Variants in DNM3 observed in about 807,000 individuals in gnomAD.
DNM3 encodes dynamin 3.
Under a neutral mutation model 101.6 loss-of-function variants are expected in DNM3, and 47 were observed. That is an observed-to-expected ratio of 0.46 (90% CI 0.37 to 0.59). The LOEUF (loss-of-function observed/expected upper bound fraction) is 0.59. DNM3 is among the 20% of genes least tolerant of loss of function. DNM3 has a pLI of 0.00. For synonymous variants in DNM3, 385 were observed against 387.9 expected (o/e 0.99, Z 0.09); for missense variants, 849 against 1,085.7 (o/e 0.78, Z 3.06).
At chr1:171,960,163 C>T (rs913888254) in intron 2 of DNM3, among the ~76,000 whole-genome samples, 1 of 152,022 alleles carries the variant, frequency 6.6e-6, no homozygotes, top group Admixed American at 6.6e-5. Flanking sequence ...TGAGAGAACA[C>T]AATGTGATAA....
At position 172,130,945 on chromosome 1, in the gene DNM3, G is replaced by A. The variant is rs143831682; in HGVS notation, c.1546-230G>A. On this transcript the variant is annotated intron_variant, in intron 13 of 20. Transcript: ENST00000627582. ...TTTCAGTCACTCCACTTCAACCATC[G>A]ATGAGTCTGAGATTTTTATTCCATT... Among the ~76,000 whole-genome samples the A allele has an allele frequency of 1.8e-3, 272 of 152,202 alleles. 1 individual carries two copies. The highest frequency in any genetic ancestry group is 6.3e-3 in the African/African-American group (261 of 41,548).
chr1:172,053,324 C>T (rs1398260552), intron 10 of DNM3, among the ~76,000 whole-genome samples: 1 of 151,952 alleles, frequency 6.6e-6, no homozygotes, highest in Non-Finnish European at 1.5e-5. Flanking sequence ...ACCTGCCATC[C>T]CCTCTCATTT....
intron 14 of DNM3, among the ~76,000 whole-genome samples, chr1:172,158,695 C>A (rs938947029): frequency 1.3e-5 from 2 of 151,958 alleles, no homozygotes; most frequent in African/African-American, 2.4e-5. Flanking sequence ...CTAACTCTCT[C>A]TTGCTAAAAG....
intron 1 of DNM3, among the ~76,000 whole-genome samples, chr1:171,893,045 G>T (rs2037437995): frequency 6.6e-6 from 1 of 152,040 alleles, no homozygotes; most frequent in African/African-American, 2.4e-5. Flanking sequence ...GGTTATGTGT[G>T]GTTCCTTTTC....
chr1:172,289,710 A>G, intron 15 of DNM3: 2 of 984,512 alleles, frequency 2.0e-6, no homozygotes, highest in Non-Finnish European at 2.4e-6. Context: ...GTCTCTGAAT[A>G]GAGTTTTGGT....
chr1:172,231,588 G>A (rs1024262651), intron 14 of DNM3, among the ~76,000 whole-genome samples: 1 of 152,192 alleles, frequency 6.6e-6, no homozygotes, highest in Non-Finnish European at 1.5e-5. Flanking sequence ...AACAAAGCTG[G>A]ATGGAGAATG....
intron 1 of DNM3, among the ~76,000 whole-genome samples, chr1:171,867,282 G>A (rs2034848713): frequency 1.3e-5 from 2 of 152,224 alleles, no homozygotes; most frequent in Admixed American, 1.3e-4. Context: ...AATCCATTGT[G>A]AAAATGGCTA....
At position 172,194,275 on chromosome 1, in the gene DNM3, T is replaced by C. The variant is rs191526153; in HGVS notation, c.1660-59298T>C. On this transcript the variant is annotated intron_variant, in intron 14 of 20. Coordinates refer to ENST00000627582, the MANE Select transcript of DNM3 (RefSeq NM_015569.5). ...TTACATTTGCTGAGGAGTGCTTTAC[T>C]TCCAACTATGTGGTCAATTTTGGAA... Among the ~76,000 whole-genome samples the C allele has an allele frequency of 6.4e-3, 975 of 152,280 alleles. 11 individuals carry two copies. The highest frequency in any genetic ancestry group is 0.022 in the African/African-American group (922 of 41,532).
chr1:171,972,262 A>G (rs1158553962), intron 2 of DNM3, among the ~76,000 whole-genome samples: 2 of 152,238 alleles, frequency 1.3e-5, no homozygotes, highest in Non-Finnish European at 2.9e-5. Context: ...CGTGTTACTT[A>G]GCCTTCTGGG....
At chr1:172,192,527 TC>T (rs1369633106) in intron 14 of DNM3, among the ~76,000 whole-genome samples, 1 of 63,112 alleles carries the variant, frequency 1.6e-5, no homozygotes, top group African/African-American at 6.4e-5. Flanking sequence ...CCCTCCCCCC[TC>T]CCCCCACCCC....
chr1:172,035,348 C>A (rs778898158), intron 6 of DNM3, among the ~76,000 whole-genome samples: 1 of 152,044 alleles, frequency 6.6e-6, no homozygotes, highest in Non-Finnish European at 1.5e-5. Flanking sequence ...TGTTTGGAGA[C>A]AACATCTTAC....
intron 14 of DNM3, among the ~76,000 whole-genome samples, chr1:172,173,820 T>C (rs1216844803): frequency 1.3e-5 from 2 of 151,776 alleles, no homozygotes; most frequent in Admixed American, 1.3e-4. Flanking sequence ...TGGCCTATAA[T>C]TTTATATTTT....
intron 17 of DNM3, among the ~76,000 whole-genome samples, chr1:172,355,734 C>G (rs2067421294): frequency 6.6e-6 from 1 of 152,028 alleles, no homozygotes; most frequent in South Asian, 2.1e-4. Flanking sequence ...TAGAATGTAA[C>G]ACAGAAAGAT....
At chr1:172,006,530 T>C (rs2125690458) in intron 4 of DNM3, among the ~76,000 whole-genome samples, 1 of 152,220 alleles carries the variant, frequency 6.6e-6, no homozygotes, top group Admixed American at 6.6e-5. Flanking sequence ...TTCTTGTTAA[T>C]TCCATGTACA....
At chr1:171,939,288 G>A (rs1445631930) in intron 2 of DNM3, among the ~76,000 whole-genome samples, 1 of 151,926 alleles carries the variant, frequency 6.6e-6, no homozygotes, top group Non-Finnish European at 1.5e-5. Context: ...CTAAATCAAA[G>A]GTATTATATT....
chr1:172,036,208 A>T (rs2048949919), intron 6 of DNM3, among the ~76,000 whole-genome samples: 2 of 129,512 alleles, frequency 1.5e-5, no homozygotes, highest in Non-Finnish European at 3.1e-5. Flanking sequence ...TCCTGTGTCC[A>T]TGTGTTCTCA....
intron 4 of DNM3, among the ~76,000 whole-genome samples, chr1:172,012,479 T>C (rs2047194535): frequency 6.6e-6 from 1 of 152,032 alleles, no homozygotes; most frequent in South Asian, 2.1e-4. Context: ...TAGATTCAGG[T>C]AGACAAAGAG....
intron 14 of DNM3, among the ~76,000 whole-genome samples, chr1:172,166,093 A>G (rs1299964038): frequency 6.6e-6 from 1 of 152,024 alleles, no homozygotes. Flanking sequence ...ATTGCACCAT[A>G]TGGTTTGTGG....
At chr1:172,110,019 C>CA (rs1039074907) in intron 13 of DNM3, among the ~76,000 whole-genome samples, 20 of 151,892 alleles carry the variant, frequency 1.3e-4, no homozygotes, top group African/African-American at 3.6e-4. Context: ...TTGGTGCAAA[C>CA]AAAAAAAATT....
Sources: allele counts gnomAD v4.1 joint callset (sites outside exome capture counted in the v4.1 genomes callset), GRCh38; gene constraint gnomAD v4.1.1; transcripts MANE v1.5; gene names NCBI Gene and HGNC (gene_info 2026-07-23, HGNC 2026-07-21).